The following SH3BGR variants were observed in gnomAD, a reference collection of about 807,000 sequenced individuals.
SH3BGR encodes SH3 domain-binding glutamic acid-rich protein.
In SH3BGR, 29 loss-of-function variants were observed where a neutral mutation model predicts 24.5. The observed-to-expected ratio is 1.18, with a 90% CI of 0.88 to 1.61. The LOEUF is 1.61. Among genes scored for constraint, SH3BGR ranks in the 40% most tolerant of loss-of-function variants. The pLI, the probability that SH3BGR is intolerant of heterozygous loss-of-function variation, is 0.00. For missense variants in SH3BGR, 162 were observed against 205.8 expected, an observed-to-expected ratio of 0.79 and a Z score of 1.30; for synonymous variants, 55 against 65.7, an observed-to-expected ratio of 0.84 and a Z score of 0.79.
chr21:39,515,358 A>C lies in SH3BGR; in HGVS notation c.*305A>C, dbSNP rs2078762512. 1 of 170,042 alleles carries C rather than the reference A, an allele frequency of 5.9e-6. No homozygotes were observed. Among genetic ancestry groups the C allele is most frequent in the Admixed American group, 6.4e-5 (1 of 15,590 alleles). The allele number at this position is 170,042 out of a possible 1,614,324, so 10.5% of individuals were successfully genotyped here. On this transcript the variant is annotated 3_prime_UTR_variant, in exon 7 of 7. Coordinates refer to ENST00000333634, the MANE Select transcript of SH3BGR (RefSeq NM_007341.3). ...AGACCATCTTATTAATAATACTCTG[A>C]AAAAAATGATTTCAAGGCATGGAAG...
At chr21:39,513,281 G>A (rs1367083047) in intron 6 of SH3BGR, among the ~76,000 whole-genome samples, 1 of 152,262 alleles carries the variant, frequency 6.6e-6, no homozygotes, top group African/African-American at 2.4e-5. Context: ...AAGAATTGGT[G>A]CATGTACAAA....
intron 1 of SH3BGR, among the ~76,000 whole-genome samples, chr21:39,459,089 G>T (rs903050589): frequency 6.6e-6 from 1 of 151,848 alleles, no homozygotes; most frequent in Non-Finnish European, 1.5e-5. Context: ...TCACATGAAG[G>T]ACTTGGCACA....
In SH3BGR at chr21:39,511,185, TGTG is replaced by T. The variant is rs1456716477; in HGVS notation, c.436-491_436-489del. Among the ~76,000 whole-genome samples, 2 of 150,818 alleles carry T rather than the reference TGTG, an allele frequency of 1.3e-5. No individual in the cohort carries two copies. The highest frequency in any genetic ancestry group is 3.0e-5 in the Non-Finnish European group (2 of 67,632). Reference sequence around the variant, plus strand: ...GTATTTGTGTGTGGTGTATATGGTGTGTGGTGTGTTTGGTGTGTGTGTGTGTGA... The same window carrying T: ...GTATTTGTGTGTGGTGTATATGGTGTGTGTGTTTGGTGTGTGTGTGTGTGA... On this transcript the variant is annotated intron_variant, in intron 5 of 6. Coordinates refer to ENST00000333634, the MANE Select transcript of SH3BGR (RefSeq NM_007341.3). This position sits in a 1 kb window ranked among gnomAD's most constrained non-coding sequence, Gnocchi z 4.2.
At position 39,515,423 on chromosome 21, in the gene SH3BGR, T is replaced by C. The variant is rs10483054; in HGVS notation, c.*370T>C. 2,671 of 158,788 alleles carry C rather than the reference T, an allele frequency of 0.017. 79 individuals are homozygous for C. Among genetic ancestry groups the C allele is most frequent in the African/African-American group, 0.061 (2,537 of 41,648 alleles). 9.8% of individuals were successfully genotyped at this position (158,788 alleles called of 1,614,324 possible). On this transcript the variant is annotated 3_prime_UTR_variant, in exon 7 of 7. Coordinates refer to ENST00000333634, the MANE Select transcript of SH3BGR (RefSeq NM_007341.3). ...ACAATAGTATTTCTTCAAATGCGCC[T>C]TATGCTACTTATCTCAGAAACAGGT...
intron 2 of SH3BGR, among the ~76,000 whole-genome samples, chr21:39,465,288 G>C (rs990551217): frequency 6.6e-6 from 1 of 152,156 alleles, no homozygotes; most frequent in Non-Finnish European, 1.5e-5. Context: ...ATACCACACA[G>C]GACCCCATCC....
chr21:39,509,065 C>CAG (rs1438899627), intron 5 of SH3BGR, 38 bp downstream of exon 5: 1 of 1,560,604 alleles, frequency 6.4e-7, no homozygotes, highest in Non-Finnish European at 8.7e-7. Context: ...GCTTAATCTG[C>CAG]TTAATAAAAA....
intron 1 of SH3BGR, among the ~76,000 whole-genome samples, chr21:39,452,806 C>A (rs552372030): frequency 1.2e-4 from 19 of 152,248 alleles, no homozygotes; most frequent in African/African-American, 4.6e-4. Flanking sequence ...TTCTGGCCTT[C>A]ATTCTGTGCA....
chr21:39,451,983 G>A lies in SH3BGR; in HGVS notation c.-114G>A, dbSNP rs747000681. On this transcript the variant is annotated 5_prime_UTR_variant, in exon 1 of 7. Transcript: ENST00000333634. ...CTGCCGGAGCCCAGTGGACCCCTGGGCTGCTGCCAGCCCCGACCTGGCACT... is the reference window on the plus strand; with the variant it reads ...CTGCCGGAGCCCAGTGGACCCCTGGACTGCTGCCAGCCCCGACCTGGCACT... 36 of 1,614,086 alleles carry A rather than the reference G, an allele frequency of 2.2e-5. No individual in the cohort carries two copies. The highest frequency in any genetic ancestry group is 3.3e-4 in the Middle Eastern group (2 of 6,084).
intron 1 of SH3BGR, among the ~76,000 whole-genome samples, chr21:39,456,524 A>C (rs996037658): frequency 6.6e-6 from 1 of 152,200 alleles, no homozygotes. Context: ...TTCAGCCGTG[A>C]AACTGTGGAA....
chr21:39,515,166 C>T lies in SH3BGR; in HGVS notation c.*113C>T. ...ACAGAATACTTTGGCTTGAAGCCGG[C>T]ACACCCAGGGTTACTGAGGACTTAT... On this transcript the variant is annotated 3_prime_UTR_variant, in exon 7 of 7. Coordinates refer to ENST00000333634, the MANE Select transcript of SH3BGR (RefSeq NM_007341.3). 2.1e-6 allele frequency: 1 copy of T among 468,706 alleles called. No individual in the cohort carries two copies. Among genetic ancestry groups the T allele is most frequent in the Non-Finnish European group, 4.4e-6 (1 of 225,888 alleles). The allele number at this position is 468,706 out of a possible 1,614,324, so 29.0% of individuals were successfully genotyped here. A position where few individuals can be genotyped will look rare whatever the true frequency, so the allele number is the denominator to read the frequency against.
intron 2 of SH3BGR, among the ~76,000 whole-genome samples, chr21:39,472,885 G>T (rs1204135497): frequency 1.3e-5 from 2 of 151,640 alleles, no homozygotes; most frequent in Non-Finnish European, 1.5e-5. Flanking sequence ...GATGGTAAAG[G>T]TGTCATGTGT....
intron 1 of SH3BGR, among the ~76,000 whole-genome samples, chr21:39,460,254 T>A (rs1216743478): frequency 6.6e-6 from 1 of 152,048 alleles, no homozygotes; most frequent in African/African-American, 2.4e-5. Flanking sequence ...GGGAGAAACA[T>A]CCTCCAGCTT....
chr21:39,483,147 C>T (rs1007040839), intron 3 of SH3BGR, among the ~76,000 whole-genome samples: 4 of 152,066 alleles, frequency 2.6e-5, no homozygotes, highest in African/African-American at 4.8e-5. Context: ...GGCAAATGGC[C>T]GTGTCCAAAG....
intron 2 of SH3BGR, among the ~76,000 whole-genome samples, chr21:39,469,904 C>T (rs1462403519): frequency 1.3e-5 from 2 of 152,078 alleles, no homozygotes; most frequent in South Asian, 2.1e-4. Flanking sequence ...GATCCACCAG[C>T]CTTGGCCTCC....
At chr21:39,471,502 A>G (rs1251878839) in intron 2 of SH3BGR, among the ~76,000 whole-genome samples, 1 of 152,232 alleles carries the variant, frequency 6.6e-6, no homozygotes, top group African/African-American at 2.4e-5. Flanking sequence ...TGCTTCTCCA[A>G]GAGCTCCTAT....
At chr21:39,469,016 T>G (rs2077890637) in intron 2 of SH3BGR, among the ~76,000 whole-genome samples, 1 of 151,272 alleles carries the variant, frequency 6.6e-6, no homozygotes, top group Non-Finnish European at 1.5e-5. Context: ...GTCTAGTTTT[T>G]TTTTTTTTTT....
At chr21:39,468,812 G>A (rs1433807167) in intron 2 of SH3BGR, among the ~76,000 whole-genome samples, 1 of 152,070 alleles carries the variant, frequency 6.6e-6, no homozygotes, top group East Asian at 1.9e-4. Context: ...TGACACATGT[G>A]TTCCCATTGC....
Position 39,475,302 on chromosome 21 carries a change from T to C in SH3BGR, c.312+87T>C, listed in dbSNP as rs1371557751. The C allele has an allele frequency of 7.6e-6, 6 of 784,824 alleles. No homozygotes were observed. In the Admixed American group the frequency reaches 9.9e-5, roughly 13 times the overall value. The allele number at this position is 784,824 out of a possible 1,614,324, so 48.6% of individuals were successfully genotyped here. A position where few individuals can be genotyped will look rare whatever the true frequency, so the allele number is the denominator to read the frequency against. ...ACCGCATCCAAGACTGTTTAATACA[T>C]GATGATCTCTAAATTAACATTACTT... On this transcript the variant is annotated intron_variant, in intron 3 of 6. Coordinates refer to ENST00000333634, the MANE Select transcript of SH3BGR (RefSeq NM_007341.3).
At chr21:39,494,856 T>G (rs1602148044) in intron 3 of SH3BGR, among the ~76,000 whole-genome samples, 1 of 152,152 alleles carries the variant, frequency 6.6e-6, no homozygotes, top group Non-Finnish European at 1.5e-5. Flanking sequence ...TCTTTTGTTA[T>G]TATTCCACAT....
Sources: allele counts gnomAD v4.1 joint callset (sites outside exome capture counted in the v4.1 genomes callset), GRCh38; gene constraint gnomAD v4.1.1; non-coding constraint Gnocchi (gnomAD v3.1); transcripts MANE v1.5; gene names NCBI Gene and HGNC (gene_info 2026-07-23, HGNC 2026-07-21).